Variants in DCLRE1B observed in about 807,000 individuals in gnomAD.
DCLRE1B encodes the protein DNA cross-link repair 1B.
In DCLRE1B, 6 loss-of-function variants were observed where a neutral mutation model predicts 19.8. The observed-to-expected ratio is 0.30, with a 90% CI of 0.17 to 0.60. The LOEUF (loss-of-function observed/expected upper bound fraction) is 0.60, where lower values mean the gene tolerates loss of function less well. Ranked by LOEUF, DCLRE1B falls within the 20% of genes least tolerant of loss-of-function variation. The pLI is 0.87. For synonymous variants in DCLRE1B, 258 were observed against 255.7 expected (o/e 1.01, Z -0.09); for missense variants, 622 against 654.2 (o/e 0.95, Z 0.54).
chr1:113,907,205 T>TTG, intron 2 of DCLRE1B, 44 bp downstream of exon 2: 1 of 420,786 alleles, frequency 2.4e-6, no homozygotes. Flanking sequence ...AGACTAGATG[T>TTG]TTTTTTTTTT....
chr1:113,911,817 T>G lies in DCLRE1B; in HGVS notation c.1225T>G (p.Trp409Gly), dbSNP rs1571613813. 9 of 1,614,098 alleles carry G rather than the reference T, an allele frequency of 5.6e-6. No homozygotes were observed. Among genetic ancestry groups the G allele is most frequent in the Non-Finnish European group, 7.6e-6 (9 of 1,180,056 alleles). ...QLFPDLYSKE[W>G]NKAVPFCESQ... ...GTTCCCAGATCTCTATAGCAAAGAA[T>G]GGAACAAGGCAGTGCCTTTCTGTGA... The change falls in exon 4 of 4, where the codon TGG becomes GGG. Residue 409 changes from tryptophan (W) to glycine (G), a missense_variant. This residue lies in a region of DCLRE1B where 382 missense variants were observed against 412.5 expected (regional missense o/e 0.93). Transcript: ENST00000650450.
rs1164433914 is a variant in DCLRE1B, at chr1:113,905,576, A to C, written c.-11A>C. On this transcript the variant is annotated 5_prime_UTR_variant, in exon 1 of 4. Coordinates refer to ENST00000650450, the MANE Select transcript of DCLRE1B (RefSeq NM_022836.4). ...GGAGAAGATCCCACTGGTGACTCCA[A>C]CCCTACCACCATGAATGGGGTCCTG... The C allele has an allele frequency of 2.5e-6, 4 of 1,613,634 alleles. No homozygotes were observed. Among genetic ancestry groups the C allele is most frequent in the Non-Finnish European group, 3.4e-6 (4 of 1,179,868 alleles).
chr1:113,909,091 AT>A (rs1338187859), intron 3 of DCLRE1B, among the ~76,000 whole-genome samples: 4 of 152,200 alleles, frequency 2.6e-5, no homozygotes, highest in Non-Finnish European at 5.9e-5. Context: ...TTATTGTCTG[AT>A]TCCCCCTGCT....
Position 113,908,109 on chromosome 1 carries a change from C to T in DCLRE1B, c.456C>T (p.Ala152=). The part of the protein sequence containing the change: ...LYLDNTNCNP[A]LVLPSRQEAA... ...TAGACAACACCAATTGCAATCCAGCCCTGGTTCTTCCTTCCCGACAAGAAG... is the reference window on the plus strand; with the variant it reads ...TAGACAACACCAATTGCAATCCAGCTCTGGTTCTTCCTTCCCGACAAGAAG... The change falls in exon 3 of 4, where the codon GCC becomes GCT. Residue 152 remains alanine, a synonymous_variant. Coordinates refer to ENST00000650450, the MANE Select transcript of DCLRE1B (RefSeq NM_022836.4). 1 of 1,614,200 alleles carries T rather than the reference C, an allele frequency of 6.2e-7. No individual in the cohort carries two copies. The highest frequency in any genetic ancestry group is 8.5e-7 in the Non-Finnish European group (1 of 1,180,028).
At chr1:113,906,707 A>G (rs539549461) in intron 1 of DCLRE1B, among the ~76,000 whole-genome samples, 58 of 150,410 alleles carry the variant, frequency 3.9e-4, no homozygotes, top group African/African-American at 1.4e-3. Context: ...GTTAGCCAGG[A>G]TGGTCTCGAT....
In DCLRE1B at chr1:113,908,196, G is replaced by C; in HGVS notation, c.538+5G>C. On this transcript the variant is annotated splice_donor_5th_base_variant and intron_variant, in intron 3 of 3. Coordinates refer to ENST00000650450, the MANE Select transcript of DCLRE1B (RefSeq NM_022836.4). Reference sequence around the variant, plus strand: ...CACAACATAACATAAAGATTGGTGAGTTGTTTCCTTTCAGTTTCCTGTCAC... The same window carrying C: ...CACAACATAACATAAAGATTGGTGACTTGTTTCCTTTCAGTTTCCTGTCAC... 6.2e-7 allele frequency: 1 copy of C among 1,611,592 alleles called. No individual in the cohort carries two copies. The highest frequency in any genetic ancestry group is 8.5e-7 in the Non-Finnish European group (1 of 1,178,856).
intron 3 of DCLRE1B, among the ~76,000 whole-genome samples, chr1:113,908,716 G>A (rs144922791): frequency 2.6e-5 from 4 of 152,098 alleles, no homozygotes; most frequent in Non-Finnish European, 5.9e-5. Context: ...TTTTTTTATA[G>A]CACTCATATA....
Position 113,908,176 on chromosome 1 carries a change from C to G in DCLRE1B, c.523C>G (p.His175Asp), listed in dbSNP as rs1273382697. 6.2e-7 allele frequency: 1 copy of G among 1,613,724 alleles called. No homozygotes were observed. Among genetic ancestry groups the G allele is most frequent in the Admixed American group, 1.7e-5 (1 of 59,940 alleles). Residue 175 changes from histidine (H) to aspartate (D), a missense_variant, in exon 3 of 4, where the codon CAT becomes GAT. Transcript: ENST00000650450. ...CCAGCTCATTCGAAAACACCCACAACATAACATAAAGATTGGTGAGTTGTT... is the reference window on the plus strand; with the variant it reads ...CCAGCTCATTCGAAAACACCCACAAGATAACATAAAGATTGGTGAGTTGTT... Reference protein sequence around the residue: ...IVQLIRKHPQHNIKIGLYSLG... With the variant: ...IVQLIRKHPQDNIKIGLYSLG...
intron 3 of DCLRE1B, among the ~76,000 whole-genome samples, chr1:113,908,741 A>C (rs1034078720): frequency 1.3e-5 from 2 of 152,144 alleles, no homozygotes; most frequent in Non-Finnish European, 2.9e-5. Context: ...ATATATTTTT[A>C]AATATGCTAT....
intron 1 of DCLRE1B, 39 bp from the exon 2 acceptor site, chr1:113,906,957 G>C (rs954257284): frequency 1.9e-6 from 3 of 1,610,070 alleles, no homozygotes; most frequent in Non-Finnish European, 2.5e-6. Context: ...GTAACGGAGA[G>C]GAGTCAGTGG....
upstream of DCLRE1B, chr1:113,904,728 G>C (rs1205279132): frequency 1.9e-6 from 3 of 1,610,576 alleles, no homozygotes; most frequent in African/African-American, 2.7e-5. Context: ...CTTCCTAAGA[G>C]TCACAGGGCA....
Position 113,905,708 on chromosome 1 carries a change from C to G in DCLRE1B, c.122C>G (p.Ser41Cys). Residue 41 changes from serine to cysteine, a missense_variant, in exon 1 of 4, where the codon TCT (serine) becomes TGT (cysteine). Ser to Cys is a moderately radical substitution (Grantham distance 112). This residue lies in a region of DCLRE1B where 237 missense variants were observed against 223.8 expected (regional missense o/e 1.06). Transcript: ENST00000650450. ...HMHSDHTVGLSSTWARPLYCS... is the reference protein window; with the variant it reads ...HMHSDHTVGLCSTWARPLYCS... ...CACTCGGACCACACCGTGGGCCTGT[C>G]TAGCACCTGGGCCCGGCCCCTCTAC... The G allele has an allele frequency of 6.2e-7, 1 of 1,614,208 alleles. No individual in the cohort carries two copies. Among genetic ancestry groups the G allele is most frequent in the African/African-American group, 1.3e-5 (1 of 75,042 alleles).
Position 113,913,473 on chromosome 1 carries a change from C to G in DCLRE1B, c.*1282C>G, listed in dbSNP as rs933056326. ...ATGACCTTTGTTGTAAGTCTCCCAA[C>G]GTCCTATTAGGAGCCACAGCAGGTG... On this transcript the variant is annotated 3_prime_UTR_variant, in exon 4 of 4. Transcript: ENST00000650450. 10 of 152,884 alleles carry G rather than the reference C, an allele frequency of 6.5e-5. No individual in the cohort carries two copies. The South Asian group carries it at 2.1e-3, about 32-fold the overall frequency. 9.5% of individuals were successfully genotyped at this position (152,884 alleles called of 1,614,324 possible).
chr1:113,905,532 G>T lies in DCLRE1B; in HGVS notation c.-55G>T, dbSNP rs1251972102. 4.4e-6 allele frequency: 7 copies of T among 1,575,956 alleles called. No individual in the cohort carries two copies. Among genetic ancestry groups the T allele is most frequent in the Non-Finnish European group, 6.1e-6 (7 of 1,154,554 alleles). ...CGGGACGCCGTTGTGGAAGCCTCAC[G>T]CAGGAGCCCTGCCCCCGTGGAGAAG... On this transcript the variant is annotated 5_prime_UTR_variant, in exon 1 of 4. Transcript: ENST00000650450.
rs1452268599 is a variant in DCLRE1B, at chr1:113,911,599, T to G, written c.1007T>G (p.Leu336Arg). The change falls in exon 4 of 4, where the codon CTT (leucine) becomes CGT (arginine). Residue 336 changes from leucine (L) to arginine (R), a missense_variant. By Grantham distance (102) the Leu-to-Arg change is moderately radical. Around this residue, in one of 3 missense-constraint regions of DCLRE1B, gnomAD observed 382 missense variants for 412.5 expected, o/e 0.93. Coordinates refer to ENST00000650450, the MANE Select transcript of DCLRE1B (RefSeq NM_022836.4). ...AGTTCTTCCTCTAGAAAACCAAGCC[T>G]TCTCTGGCTGTTAGAAAGGAGGCTA... ...YMSSSSRKPS[L>R]LWLLERRLKR... 6.3e-7 allele frequency: 1 copy of G among 1,597,148 alleles called. No homozygotes were observed. Among genetic ancestry groups the G allele is most frequent in the Non-Finnish European group, 8.5e-7 (1 of 1,171,786 alleles).
At position 113,912,507 on chromosome 1, in the gene DCLRE1B, C is replaced by CA; in HGVS notation, c.*319dup. ...TAACCTTGTTTAACCCAGTATTTCT[C>CA]AAACTTTTGTGAACATGCAATCATC... On this transcript the variant is annotated 3_prime_UTR_variant, in exon 4 of 4. Transcript: ENST00000650450. The CA allele has an allele frequency of 4.7e-6, 1 of 214,466 alleles. No homozygotes were observed. The highest frequency in any genetic ancestry group is 9.2e-6 in the Non-Finnish European group (1 of 108,610). 13.3% of individuals were successfully genotyped at this position (214,466 alleles called of 1,614,324 possible).
At chr1:113,906,892 C>G in intron 1 of DCLRE1B, 104 bp from the exon 2 acceptor site, 2 of 1,342,970 alleles carry the variant, frequency 1.5e-6, no homozygotes, top group Admixed American at 4.2e-5. Flanking sequence ...CCCGGTGGCT[C>G]AGGATTTGGT....
At chr1:113,909,368 T>G (rs1346316488) in intron 3 of DCLRE1B, among the ~76,000 whole-genome samples, 1 of 152,218 alleles carries the variant, frequency 6.6e-6, no homozygotes, top group Non-Finnish European at 1.5e-5. Flanking sequence ...CATTTTTGTT[T>G]TATAAAATAA....
At chr1:113,910,104 A>G (rs561169640) in intron 3 of DCLRE1B, among the ~76,000 whole-genome samples, 120 of 152,284 alleles carry the variant, frequency 7.9e-4, no homozygotes, top group African/African-American at 2.5e-3. Context: ...GGGCCCTTCA[A>G]TTGAAACTTC....
Sources: gnomAD v4.1 joint callset for allele counts (sites outside exome capture counted in the v4.1 genomes callset) on GRCh38, gnomAD v4.1.1 for gene constraint, gnomAD v4.1.1 regional missense constraint, MANE v1.5 for transcripts, NCBI Gene and HGNC (gene_info 2026-07-23, HGNC 2026-07-21) for gene names.